B2M: variants seen among roughly 807,000 people sequenced by gnomAD.
B2M encodes the protein beta chain of MHC class I molecules.
B2M carries 3 observed loss-of-function variants against 14.5 expected under a neutral mutation model. The observed-to-expected ratio is 0.21, with a 90% CI of 0.09 to 0.53. The LOEUF (loss-of-function observed/expected upper bound fraction) is 0.53, where lower values mean the gene tolerates loss of function less well. Among genes scored for constraint, B2M ranks in the 20% least tolerant of loss-of-function variants. The pLI is 0.95. For missense variants in B2M, 107 were observed against 140.8 expected (o/e 0.76, Z 1.21); for synonymous variants, 45 against 52.7 (o/e 0.85, Z 0.64).
rs1025782955 is a variant in B2M at position 44,715,496 on chromosome 15, G to A, written c.141G>A (p.Val47=). The A allele has an allele frequency of 3.1e-6, 5 of 1,614,046 alleles. No homozygotes were observed. The highest frequency in any genetic ancestry group is 3.3e-5 in the Admixed American group (2 of 59,994). ...AGTCAAATTTCCTGAATTGCTATGTGTCTGGGTTTCATCCATCCGACATTG... is the reference window on the plus strand; with the variant it reads ...AGTCAAATTTCCTGAATTGCTATGTATCTGGGTTTCATCCATCCGACATTG... ...NGKSNFLNCY[V]SGFHPSDIEV... Residue 47 remains valine (V), a synonymous_variant, in exon 2 of 4, where the codon GTG becomes GTA. Transcript: ENST00000648006.
At chr15:44,717,229 A>G (rs2086951970) in intron 3 of B2M, 2 of 152,200 alleles carry the variant, frequency 1.3e-5, no homozygotes, top group Non-Finnish European at 2.9e-5. Context: ...GGTATAGCCT[A>G]TTGCTCCTAG....
Position 44,716,328 on chromosome 15 carries a change from G to A in B2M, c.347-1G>A, listed in dbSNP as rs1200800609. The A allele has an allele frequency of 6.2e-7, 1 of 1,612,392 alleles. No individual in the cohort carries two copies. Among genetic ancestry groups the A allele is most frequent in the Non-Finnish European group, 8.5e-7 (1 of 1,178,616 alleles). ...TTTTTTCTCCACTGTCTTTTTCATA[G>A]ATCGAGACATGTAAGCAGCATCATG... is the stretch of plus-strand genomic sequence containing the variant. On this transcript the variant is annotated splice_acceptor_variant, in intron 2 of 3. Coordinates refer to ENST00000648006, the MANE Select transcript of B2M (RefSeq NM_004048.4). LOFTEE classifies it high-confidence loss of function.
chr15:44,712,042 C>G, intron 1 of B2M: 4 of 264,568 alleles, frequency 1.5e-5, no homozygotes, highest in South Asian at 1.2e-4. Context: ...CGTGGAGGGG[C>G]GCTTGGGGTC....
intron 3 of B2M, 120 bp downstream of exon 3, chr15:44,716,476 G>A (rs1411368550): frequency 6.1e-6 from 7 of 1,143,856 alleles, no homozygotes; most frequent in Middle Eastern, 2.0e-4. Context: ...ATTTTAGCAG[G>A]GAAAGAAGAA....
At chr15:44,711,690 C>G (rs1480065398) in intron 1 of B2M, 77 bp downstream of exon 1, 12 of 1,498,556 alleles carry the variant, frequency 8.0e-6, no homozygotes, top group Non-Finnish European at 1.1e-5. Context: ...TGTGCTCTCT[C>G]GCTCCGTGAC....
chr15:44,716,381 GTT>G (rs1188570058), intron 3 of B2M, 25 bp downstream of exon 3: 2 of 1,594,236 alleles, frequency 1.3e-6, no homozygotes, highest in Admixed American at 1.7e-5. Context: ...TTGAGAAAAT[GTT>G]TTTGTTTCAC....
intron 1 of B2M, 120 bp from the exon 2 acceptor site, chr15:44,715,303 G>A: frequency 8.3e-7 from 1 of 1,210,728 alleles, no homozygotes; most frequent in Non-Finnish European, 1.2e-6. Flanking sequence ...AGTGGAAATG[G>A]AATTGGGAGA....
chr15:44,711,920 TG>T, intron 1 of B2M: 1 of 544,908 alleles, frequency 1.8e-6, no homozygotes, highest in Non-Finnish European at 3.3e-6. Flanking sequence ...GCGCCGAGGT[TG>T]GGGGAGGGTT....
At chr15:44,716,263 A>G in intron 2 of B2M, 66 bp from the exon 3 acceptor site, 1 of 1,525,662 alleles carries the variant, frequency 6.6e-7, no homozygotes, top group East Asian at 2.2e-5. Flanking sequence ...GACATTTGTT[A>G]GTACATGGTA....
chr15:44,714,980 T>C (rs2086925518), intron 1 of B2M: 1 of 237,232 alleles, frequency 4.2e-6, no homozygotes, highest in Admixed American at 5.2e-5. Context: ...ACATGAGTAA[T>C]TTGATGGGGG....
At chr15:44,712,188 G>A (rs1452327885) in intron 1 of B2M, among the ~76,000 whole-genome samples, 1 of 152,210 alleles carries the variant, frequency 6.6e-6, no homozygotes, top group African/African-American at 2.4e-5. Context: ...GCCACACCGT[G>A]GGGAGGAAAC....
chr15:44,716,305 T>A (rs1311849308), intron 2 of B2M, 24 bp from the exon 3 acceptor site: 1 of 1,608,850 alleles, frequency 6.2e-7, no homozygotes, highest in East Asian at 2.2e-5. Flanking sequence ...TCTTCCTTTT[T>A]TTTCTCCACT....
At chr15:44,711,648 C>A (rs1291617983) in intron 1 of B2M, 35 bp downstream of exon 1, 1 of 1,591,716 alleles carries the variant, frequency 6.3e-7, no homozygotes, top group South Asian at 1.1e-5. Flanking sequence ...CTGGTCCTTC[C>A]TCTCCCGCTC....
intron 2 of B2M, chr15:44,715,950 C>G: frequency 1.6e-6 from 1 of 624,230 alleles, no homozygotes. Context: ...GAGCAGGGAG[C>G]AGCAGCAGCA....
chr15:44,717,290 A>G (rs772445797), intron 3 of B2M: 1 of 151,750 alleles, frequency 6.6e-6, no homozygotes, highest in Non-Finnish European at 1.5e-5. Flanking sequence ...GGGCAGTTGT[A>G]ACACAATGGT....
chr15:44,711,934 T>A, intron 1 of B2M: 1 of 514,678 alleles, frequency 1.9e-6, no homozygotes, highest in Non-Finnish European at 3.5e-6. Context: ...GGAGGGTTTC[T>A]CTTCCGCTCT....
At chr15:44,714,850 A>C (rs774130937) in intron 1 of B2M, 1 of 182,114 alleles carries the variant, frequency 5.5e-6, no homozygotes, top group Non-Finnish European at 1.2e-5. Flanking sequence ...CAGGCACTCT[A>C]CTAGACACTT....
rs545635107 is a variant in B2M, at chr15:44,711,543, C to G, written c.-4C>G. 5.0e-6 allele frequency: 8 copies of G among 1,613,678 alleles called. No homozygotes were observed. Among genetic ancestry groups the G allele is most frequent in the African/African-American group, 2.7e-5 (2 of 75,014 alleles). ...TTCCTGAAGCTGACAGCATTCGGGC[C>G]GAGATGTCTCGCTCCGTGGCCTTAG... On this transcript the variant is annotated 5_prime_UTR_variant, in exon 1 of 4. Transcript: ENST00000648006.
At chr15:44,716,048 A>C (rs1480312551) in intron 2 of B2M, 1 of 601,104 alleles carries the variant, frequency 1.7e-6, no homozygotes, top group Non-Finnish European at 2.9e-6. Context: ...TTTAGCACTG[A>C]ACGAACATCT....
Sources: allele counts gnomAD v4.1 joint callset (sites outside exome capture counted in the v4.1 genomes callset), GRCh38; gene constraint gnomAD v4.1.1; transcripts MANE v1.5; gene names NCBI Gene and HGNC (gene_info 2026-07-23, HGNC 2026-07-21).